SCN2A: variants seen among roughly 807,000 people sequenced by gnomAD.
SCN2A encodes sodium channel protein type 2 subunit alpha.
A neutral mutation model predicts 188.7 loss-of-function variants in SCN2A; 20 were observed. The ratio of observed to expected loss-of-function variants is 0.11; its 90% CI spans 0.07 to 0.15. The LOEUF is 0.15. Among genes scored for constraint, SCN2A ranks in the 10% least tolerant of loss-of-function variants. The probability of loss-of-function intolerance (pLI) is 1.00; values close to 1 mark genes in which losing one functional copy is unlikely to be tolerated. For missense variants in SCN2A, 1,278 were observed against 2,445.0 expected, an observed-to-expected ratio of 0.52 and a Z score of 10.07; for synonymous variants, 804 against 833.1, an observed-to-expected ratio of 0.97 and a Z score of 0.60.
rs150474053 is a variant in SCN2A at position 165,317,707 on chromosome 2, T to C, written c.1671+1949T>C. Among the ~76,000 whole-genome samples the C allele has an allele frequency of 4.1e-3, 623 of 152,280 alleles. 5 individuals are homozygous for C. Among genetic ancestry groups the C allele is most frequent in the African/African-American group, 0.014 (591 of 41,572 alleles). ...CTCCCAGCAGCCTCTTCTTCATACC[T>C]CTACATACCTCCATTTCCCAGCTAG... On this transcript the variant is annotated intron_variant, in intron 11 of 26. Coordinates refer to ENST00000375437, the MANE Select transcript of SCN2A (RefSeq NM_001040142.2).
At chr2:165,277,504 C>G (rs1695398418) in intron 1 of SCN2A, among the ~76,000 whole-genome samples, 1 of 152,152 alleles carries the variant, frequency 6.6e-6, no homozygotes, top group Non-Finnish European at 1.5e-5. Flanking sequence ...CTTATTTGGT[C>G]TATCTTGCTG....
chr2:165,303,421 GC>G (rs1696947121), intron 3 of SCN2A, among the ~76,000 whole-genome samples: 1 of 151,636 alleles, frequency 6.6e-6, no homozygotes. Context: ...GACTACAGGC[GC>G]CCGCCACCAC....
intron 1 of SCN2A, among the ~76,000 whole-genome samples, chr2:165,279,601 C>CG (rs539024284): frequency 3.4e-4 from 51 of 151,740 alleles, no homozygotes; most frequent in African/African-American, 1.2e-3. Flanking sequence ...GGGAAACAAA[C>CG]GGAAGAATGG....
At chr2:165,308,026 AATC>A (rs1462865730) in intron 4 of SCN2A, 89 bp downstream of exon 4, 3 of 882,134 alleles carry the variant, frequency 3.4e-6, no homozygotes, top group Non-Finnish European at 5.8e-6. Flanking sequence ...TTCTTTAACA[AATC>A]ATGCTAGCTA....
In SCN2A at chr2:165,380,675, C is replaced by G; in HGVS notation, c.4392C>G (p.Thr1464=). Residue 1464 remains threonine, a synonymous_variant, in exon 24 of 27, where the codon ACC becomes ACG. Coordinates refer to ENST00000375437, the MANE Select transcript of SCN2A (RefSeq NM_001040142.2). The stretch of plus-strand genomic sequence containing the variant: ...TTATTATTTTTGGTTCATTCTTTAC[C>G]TTGAATCTTTTCATTGGTGTCATCA... The part of the protein sequence containing the change: ...VIFIIFGSFF[T]LNLFIGVIID... The G allele has an allele frequency of 6.3e-7, 1 of 1,591,970 alleles. No homozygotes were observed. The highest frequency in any genetic ancestry group is 8.6e-7 in the Non-Finnish European group (1 of 1,162,226).
At chr2:165,332,484 A>G (rs1698743734) in intron 14 of SCN2A, among the ~76,000 whole-genome samples, 1 of 152,074 alleles carries the variant, frequency 6.6e-6, no homozygotes, top group African/African-American at 2.4e-5. Context: ...GATATTTACT[A>G]TAAATTGTCT....
At chr2:165,386,659 T>C in intron 25 of SCN2A, 87 bp from the exon 26 acceptor site, 7 of 1,349,478 alleles carry the variant, frequency 5.2e-6, no homozygotes, top group Non-Finnish European at 7.2e-6. Flanking sequence ...AAAAGCTACA[T>C]TTTTTGTTGC....
chr2:165,294,017 A>C, intron 1 of SCN2A: 7 of 842,234 alleles, frequency 8.3e-6, no homozygotes, highest in Middle Eastern at 6.0e-4. Context: ...AATTAAAAAA[A>C]AAAAAAAAAA....
intron 1 of SCN2A, among the ~76,000 whole-genome samples, chr2:165,265,491 A>G (rs1318131689): frequency 8.5e-6 from 1 of 117,588 alleles, no homozygotes; most frequent in African/African-American, 3.1e-5. Context: ...ATATATATAT[A>G]TATATATATA....
At chr2:165,358,741 A>T (rs1700303741) in intron 17 of SCN2A, among the ~76,000 whole-genome samples, 1 of 152,008 alleles carries the variant, frequency 6.6e-6, no homozygotes, top group African/African-American at 2.4e-5. Flanking sequence ...TTTCTCCCGA[A>T]GAATATTATT....
chr2:165,323,054 G>A, intron 11 of SCN2A, 102 bp from the exon 12 acceptor site: 1 of 1,104,322 alleles, frequency 9.1e-7, no homozygotes. Flanking sequence ...TTATCCTTGA[G>A]TAAGTCAATG....
Position 165,296,055 on chromosome 2 carries a change from C to G in SCN2A, c.232C>G (p.Leu78Val). Residue 78 changes from leucine (L) to valine (V), a missense_variant, in exon 2 of 27, where the codon CTG (leucine) becomes GTG (valine). Leu to Val is a conservative substitution (Grantham distance 32, BLOSUM62 1). Transcript: ENST00000375437. ...DIPPEMVSVP[L>V]EDLDPYYINK... ...TCCTCCAGAGATGGTGTCAGTGCCC[C>G]TGGAGGATCTGGACCCCTACTATAT... 1 of 1,613,834 alleles carries G rather than the reference C, an allele frequency of 6.2e-7. No individual in the cohort carries two copies. Among genetic ancestry groups the G allele is most frequent in the Non-Finnish European group, 8.5e-7 (1 of 1,180,010 alleles).
At chr2:165,337,317 T>A (rs1254645922) in intron 14 of SCN2A, among the ~76,000 whole-genome samples, 1 of 151,992 alleles carries the variant, frequency 6.6e-6, no homozygotes, top group East Asian at 1.9e-4. Flanking sequence ...CTAACTATAA[T>A]ATGGGATAAT....
At chr2:165,348,308 G>A (rs1394436209) in intron 16 of SCN2A, among the ~76,000 whole-genome samples, 7 of 147,178 alleles carry the variant, frequency 4.8e-5, no homozygotes, top group East Asian at 4.0e-4. Context: ...GCAGTGACCC[G>A]AGATTGTGCC....
At chr2:165,334,558 G>A (rs1381451293) in intron 14 of SCN2A, among the ~76,000 whole-genome samples, 1 of 151,678 alleles carries the variant, frequency 6.6e-6, no homozygotes, top group Non-Finnish European at 1.5e-5. Context: ...GTAATCACAT[G>A]GAAAAAGCCA....
chr2:165,278,676 G>A (rs934674865), intron 1 of SCN2A, among the ~76,000 whole-genome samples: 4 of 152,186 alleles, frequency 2.6e-5, no homozygotes, highest in Non-Finnish European at 5.9e-5. Flanking sequence ...AGTGGCTCAT[G>A]GCCATAATCC....
intron 17 of SCN2A, among the ~76,000 whole-genome samples, chr2:165,364,588 T>TG (rs1441264165): frequency 6.6e-6 from 1 of 152,166 alleles, no homozygotes; most frequent in African/African-American, 2.4e-5. Context: ...TAGCTAACAA[T>TG]GTGCTGCTCT....
At chr2:165,240,437 G>A (rs1693563828) in intron 1 of SCN2A, among the ~76,000 whole-genome samples, 1 of 152,154 alleles carries the variant, frequency 6.6e-6, no homozygotes, top group African/African-American at 2.4e-5. Flanking sequence ...GGAGGTGGAA[G>A]TTGCATGCAA....
chr2:165,356,992 T>C (rs919741804), intron 17 of SCN2A, among the ~76,000 whole-genome samples: 1 of 152,220 alleles, frequency 6.6e-6, no homozygotes, highest in Non-Finnish European at 1.5e-5. Context: ...ATTATTTTAT[T>C]GCTTGAGTTG....
Sources: allele counts gnomAD v4.1 joint callset (sites outside exome capture counted in the v4.1 genomes callset), GRCh38; gene constraint gnomAD v4.1.1; transcripts MANE v1.5; gene names NCBI Gene and HGNC (gene_info 2026-07-23, HGNC 2026-07-21).